Variants in CAPZA2 observed in about 807,000 individuals in gnomAD.
The protein encoded by CAPZA2 is F-actin-capping protein subunit alpha-2.
CAPZA2 carries 13 observed loss-of-function variants against 44.0 expected under a neutral mutation model. That is an observed-to-expected ratio of 0.30 (90% CI 0.19 to 0.47). CAPZA2 has a LOEUF of 0.47. Among genes scored for constraint, CAPZA2 ranks in the 20% least tolerant of loss-of-function variants. The probability of loss-of-function intolerance (pLI) is 1.00; values close to 1 mark genes in which losing one functional copy is unlikely to be tolerated. For synonymous variants in CAPZA2, 94 were observed against 108.2 expected, an observed-to-expected ratio of 0.87 and a Z score of 0.81; for missense variants, 244 against 338.6, an observed-to-expected ratio of 0.72 and a Z score of 2.19.
At chr7:116,864,054 A>G (rs1740738510) in intron 1 of CAPZA2, among the ~76,000 whole-genome samples, 1 of 152,196 alleles carries the variant, frequency 6.6e-6, no homozygotes, top group African/African-American at 2.4e-5. Context: ...AGATCCCCGT[A>G]TCCACAAAAG....
intron 1 of CAPZA2, among the ~76,000 whole-genome samples, chr7:116,864,329 T>A (rs1299200107): frequency 6.6e-6 from 1 of 152,172 alleles, no homozygotes; most frequent in Non-Finnish European, 1.5e-5. Context: ...AAAAGTTTTT[T>A]AAAAATGAGA....
chr7:116,865,441 C>G lies in CAPZA2; in HGVS notation c.39+2791C>G, dbSNP rs188531280. ...CCTCAGGTGATCCACCCCCCTCGGC[C>G]TCCCAAAGTGCTGGGATTACAGGCG... On this transcript the variant is annotated intron_variant, in intron 1 of 9. Coordinates refer to ENST00000361183, the MANE Select transcript of CAPZA2 (RefSeq NM_006136.3). Among the ~76,000 whole-genome samples, 1,102 of 152,288 alleles carry G rather than the reference C, an allele frequency of 7.2e-3. 13 individuals carry two copies. The highest frequency in any genetic ancestry group is 0.025 in the African/African-American group (1,043 of 41,540).
rs1316224594 is a variant in CAPZA2 at position 116,904,147 on chromosome 7, T to G, written c.220-30T>G. The G allele has an allele frequency of 2.1e-6, 3 of 1,421,292 alleles. No individual in the cohort carries two copies. In the African/African-American group the frequency reaches 4.3e-5, roughly 20 times the overall value. 88.0% of individuals were successfully genotyped at this position (1,421,292 alleles called of 1,614,324 possible). A position where few individuals can be genotyped will look rare whatever the true frequency, so the allele number is the denominator to read the frequency against. On this transcript the variant is annotated intron_variant, in intron 4 of 9. Coordinates refer to ENST00000361183, the MANE Select transcript of CAPZA2 (RefSeq NM_006136.3). The stretch of plus-strand genomic sequence containing the variant: ...CAATATTGAAATGCTGTTTTTTTAT[T>G]TTTTTTCTAAATTCATTCCATCATC...
chr7:116,910,596 G>A lies in CAPZA2; in HGVS notation c.585+285G>A, dbSNP rs536808161. 4.6e-5 allele frequency among the ~76,000 whole-genome samples: 7 copies of A among 152,278 alleles called. No individual in the cohort carries two copies. The South Asian group carries it at 1.0e-3, about 23-fold the overall frequency. On this transcript the variant is annotated intron_variant, in intron 7 of 9. Coordinates refer to ENST00000361183, the MANE Select transcript of CAPZA2 (RefSeq NM_006136.3). ...TCAGATACAATTTGTTCATGCAGGC[G>A]TCTTCTGAGTTTGAGTTGTGTACTT...
intron 1 of CAPZA2, among the ~76,000 whole-genome samples, chr7:116,887,710 G>A (rs559119369): frequency 6.6e-6 from 1 of 152,330 alleles, no homozygotes; most frequent in African/African-American, 2.4e-5. Flanking sequence ...GCACGCGCCT[G>A]TAGTCCCAGC....
intron 1 of CAPZA2, among the ~76,000 whole-genome samples, chr7:116,865,202 T>TTTTTTTC (rs1796468315): frequency 6.8e-6 from 1 of 147,242 alleles, no homozygotes; most frequent in African/African-American, 2.6e-5. Context: ...TTTTTTTTTT[T>TTTTTTTC]TGATACAGAG....
chr7:116,879,420 C>T (rs1562957907), intron 1 of CAPZA2, among the ~76,000 whole-genome samples: 1 of 152,076 alleles, frequency 6.6e-6, no homozygotes, highest in Non-Finnish European at 1.5e-5. Context: ...AGTCCCCAGC[C>T]TTTTTGGCAC....
intron 6 of CAPZA2, among the ~76,000 whole-genome samples, chr7:116,909,135 A>G (rs1288348710): frequency 6.6e-6 from 1 of 152,128 alleles, no homozygotes; most frequent in Non-Finnish European, 1.5e-5. Context: ...GGTATTTCAG[A>G]TTTTTGAATT....
intron 6 of CAPZA2, among the ~76,000 whole-genome samples, chr7:116,907,935 C>T (rs959284820): frequency 6.6e-6 from 1 of 152,100 alleles, no homozygotes; most frequent in African/African-American, 2.4e-5. Flanking sequence ...GTGATAATAT[C>T]ATGGCACAAT....
At chr7:116,908,962 C>T (rs939460383) in intron 6 of CAPZA2, among the ~76,000 whole-genome samples, 6 of 152,200 alleles carry the variant, frequency 3.9e-5, no homozygotes, top group African/African-American at 1.2e-4. Flanking sequence ...TATCTCTTAT[C>T]CAAAATGCTT....
chr7:116,875,265 G>C (rs1371499822), intron 1 of CAPZA2: 1 of 151,966 alleles, frequency 6.6e-6, no homozygotes, highest in East Asian at 1.9e-4. Flanking sequence ...ATGGCAAAGT[G>C]TTCATTTTTG....
intron 4 of CAPZA2, among the ~76,000 whole-genome samples, chr7:116,900,005 G>T (rs1351103050): frequency 6.6e-6 from 1 of 151,498 alleles, no homozygotes; most frequent in Non-Finnish European, 1.5e-5. Flanking sequence ...TGCAAAAATG[G>T]TTCCATGTAA....
At chr7:116,879,577 C>G (rs964320837) in intron 1 of CAPZA2, among the ~76,000 whole-genome samples, 1 of 152,094 alleles carries the variant, frequency 6.6e-6, no homozygotes, top group African/African-American at 2.4e-5. Context: ...CTAGATCCCT[C>G]GCATACACAG....
chr7:116,889,962 T>G (rs1175507469), intron 2 of CAPZA2, among the ~76,000 whole-genome samples: 1 of 152,202 alleles, frequency 6.6e-6, no homozygotes, highest in African/African-American at 2.4e-5. Context: ...TTAATACATT[T>G]GATGGTTGGG....
Position 116,920,880 on chromosome 7 carries a change from A to G in CAPZA2, c.*3013A>G, listed in dbSNP as rs888517903. On this transcript the variant is annotated 3_prime_UTR_variant, in exon 10 of 10. Transcript: ENST00000361183. ...CGTGTAAAGCTGTTTGGGTGCAGGC[A>G]TAGAGTAGATGAAATAAATTTCACC... The G allele has an allele frequency of 2.0e-5, 3 of 152,316 alleles. No individual in the cohort carries two copies. 9.4% of individuals were successfully genotyped at this position (152,316 alleles called of 1,614,324 possible). A position where few individuals can be genotyped will look rare whatever the true frequency, so the allele number is the denominator to read the frequency against.
In CAPZA2 at chr7:116,865,175, T is replaced by C. The variant is rs555965239; in HGVS notation, c.39+2525T>C. On this transcript the variant is annotated intron_variant, in intron 1 of 9. Coordinates refer to ENST00000361183, the MANE Select transcript of CAPZA2 (RefSeq NM_006136.3). ...TGTTCTTGTGACATTATGCGCTCTC[T>C]TCTTTTTTTTTTTTTTTTTTTTTTT... Among the ~76,000 whole-genome samples the C allele has an allele frequency of 4.0e-3, 533 of 133,020 alleles. 3 individuals are homozygous for C. Among genetic ancestry groups the C allele is most frequent in the Non-Finnish European group, 5.6e-3 (371 of 65,672 alleles). The allele number at this position is 133,020 out of a possible 152,430, so 87.3% of individuals were successfully genotyped here. A position where few individuals can be genotyped will look rare whatever the true frequency, so the allele number is the denominator to read the frequency against.
intron 1 of CAPZA2, among the ~76,000 whole-genome samples, chr7:116,883,659 G>C (rs1210166461): frequency 1.3e-5 from 2 of 152,156 alleles, no homozygotes; most frequent in Non-Finnish European, 2.9e-5. Context: ...AATACCTTTT[G>C]ATTACTGTGT....
intron 5 of CAPZA2, 49 bp downstream of exon 5, chr7:116,904,432 T>C (rs1264659778): frequency 9.3e-7 from 1 of 1,070,708 alleles, no homozygotes; most frequent in Admixed American, 2.0e-5. Context: ...TAAATGTGAG[T>C]CTTTAGCGTC....
intron 8 of CAPZA2, among the ~76,000 whole-genome samples, chr7:116,913,977 T>C (rs533237118): frequency 6.6e-6 from 1 of 151,992 alleles, no homozygotes; most frequent in African/African-American, 2.4e-5. Context: ...AGTATCTGTG[T>C]ATTATAAACA....
Sources: gnomAD v4.1 joint callset for allele counts (sites outside exome capture counted in the v4.1 genomes callset) on GRCh38, gnomAD v4.1.1 for gene constraint, MANE v1.5 for transcripts, NCBI Gene and HGNC (gene_info 2026-07-23, HGNC 2026-07-21) for gene names.